The following VIPR1 variants were observed in gnomAD, a reference collection of about 807,000 sequenced individuals.
VIPR1 encodes the protein vasoactive intestinal polypeptide receptor 1.
VIPR1 carries 59 observed loss-of-function variants against 58.8 expected under a neutral mutation model. The ratio of observed to expected loss-of-function variants is 1.00; its 90% CI spans 0.81 to 1.25. The LOEUF is 1.25. Among genes scored for constraint, VIPR1 ranks in the 50% most tolerant of loss-of-function variants. VIPR1 has a pLI of 0.00. For synonymous variants in VIPR1, 251 were observed against 242.1 expected (o/e 1.04, Z -0.34); for missense variants, 626 against 602.7 (o/e 1.04, Z -0.40).
intron 10 of VIPR1, chr3:42,532,621 G>A (rs983135587): frequency 6.4e-5 from 34 of 530,208 alleles, no homozygotes; most frequent in African/African-American, 3.2e-4. Context: ...AGAGGACACC[G>A]ATGACCTGTG....
intron 9 of VIPR1, 127 bp downstream of exon 9, chr3:42,531,996 A>G (rs1395342703): frequency 9.0e-7 from 1 of 1,107,288 alleles, no homozygotes; most frequent in Non-Finnish European, 1.3e-6. Flanking sequence ...TGCCCAATGC[A>G]GGATCATCCC....
intron 1 of VIPR1, among the ~76,000 whole-genome samples, chr3:42,511,198 T>C (rs1700345908): frequency 1.3e-5 from 2 of 152,200 alleles, no homozygotes; most frequent in Non-Finnish European, 2.9e-5. Context: ...TTTCTCCATC[T>C]CTCTATTCTG....
Position 42,535,011 on chromosome 3 carries a change from G to A in VIPR1, c.1047G>A (p.Leu349=). ...LARSTLLLIP[L]FGVHYIMFAF... ...GGTCCACACTCCTGCTGATCCCCCT[G>A]TTTGGAGTACACTACATCATGTTCG... Residue 349 remains leucine (L), a synonymous_variant, in exon 11 of 13, where the codon CTG becomes CTA. Coordinates refer to ENST00000325123, the MANE Select transcript of VIPR1 (RefSeq NM_004624.4). 6.2e-7 allele frequency: 1 copy of A among 1,614,202 alleles called. No homozygotes were observed. The highest frequency in any genetic ancestry group is 8.5e-7 in the Non-Finnish European group (1 of 1,180,016).
At chr3:42,496,556 C>T (rs1350682338) in intron 1 of VIPR1, among the ~76,000 whole-genome samples, 1 of 152,220 alleles carries the variant, frequency 6.6e-6, no homozygotes, top group East Asian at 1.9e-4. Flanking sequence ...AACTCTTCCA[C>T]TAGGACTGTA....
At chr3:42,523,443 C>T (rs564963379) in intron 3 of VIPR1, among the ~76,000 whole-genome samples, 1 of 152,280 alleles carries the variant, frequency 6.6e-6, no homozygotes, top group South Asian at 2.1e-4. Flanking sequence ...TGGAGTCAGG[C>T]AGACCTTGGT....
chr3:42,500,597 C>G (rs1181079646), upstream of VIPR1, among the ~76,000 whole-genome samples: 1 of 152,150 alleles, frequency 6.6e-6, no homozygotes, highest in African/African-American at 2.4e-5. Context: ...ACATCTAGGG[C>G]TCCTAGGACA....
At chr3:42,497,610 T>G (rs1699789273) in intron 1 of VIPR1, among the ~76,000 whole-genome samples, 1 of 152,112 alleles carries the variant, frequency 6.6e-6, no homozygotes, top group Non-Finnish European at 1.5e-5. Context: ...GCCACCCAAA[T>G]GTCATCTTGA....
intron 1 of VIPR1, among the ~76,000 whole-genome samples, chr3:42,490,110 C>T (rs1699639977): frequency 6.6e-6 from 1 of 152,124 alleles, no homozygotes; most frequent in African/African-American, 2.4e-5. Context: ...CCTGGGAGCT[C>T]CCAGGGCAGG....
At chr3:42,501,295 A>T (rs570339252), upstream of VIPR1, among the ~76,000 whole-genome samples, 495 of 151,626 alleles carry the variant, frequency 3.3e-3, 5 homozygotes, top group African/African-American at 0.012. This position sits in a 1 kb window ranked among gnomAD's most constrained non-coding sequence, Gnocchi z 4.8. Context: ...CTCTGTAGGG[A>T]GGGAAGCCCT....
intron 5 of VIPR1, 195 bp downstream of exon 5, chr3:42,527,691 G>A: frequency 1.5e-6 from 1 of 648,522 alleles, no homozygotes; most frequent in Admixed American, 2.7e-5. Flanking sequence ...TTGCAGCCTA[G>A]TCTCCCCTAG....
In VIPR1 at chr3:42,535,366, C is replaced by T; in HGVS notation, c.1164C>T (p.Tyr388=). Residue 388 remains tyrosine, a synonymous_variant, in exon 12 of 13, where the codon TAC becomes TAT. Transcript: ENST00000325123. The stretch of plus-strand genomic sequence containing the variant: ...AGGGTTTTGTGGTGGCTATCCTCTA[C>T]TGCTTCCTCAATGGTGAGGTAAGCC... ...SFQGFVVAIL[Y]CFLNGEVQAE... 6.2e-7 allele frequency: 1 copy of T among 1,614,162 alleles called. No individual in the cohort carries two copies. Among genetic ancestry groups the T allele is most frequent in the Non-Finnish European group, 8.5e-7 (1 of 1,180,018 alleles).
At chr3:42,495,074 A>T (rs1003507821) in intron 1 of VIPR1, among the ~76,000 whole-genome samples, 1 of 151,562 alleles carries the variant, frequency 6.6e-6, no homozygotes. Flanking sequence ...TCCGTCACCC[A>T]GTTTTATTAG....
Position 42,536,070 on chromosome 3 carries a change from A to G in VIPR1, c.1183-20A>G, listed in dbSNP as rs1471147834. 10 of 1,577,816 alleles carry G rather than the reference A, an allele frequency of 6.3e-6. No individual in the cohort carries two copies. The highest frequency in any genetic ancestry group is 8.6e-6 in the Non-Finnish European group (10 of 1,162,024). Reference sequence around the variant, plus strand: ...AAGAGGCTCCACAGCAGTGGGCCTGACCACCTTCCCCTCTCCTAGGTGCAG... The same window carrying G: ...AAGAGGCTCCACAGCAGTGGGCCTGGCCACCTTCCCCTCTCCTAGGTGCAG... On this transcript the variant is annotated intron_variant, in intron 12 of 12. Transcript: ENST00000325123.
In VIPR1 at chr3:42,502,658, C is replaced by T. The variant is rs1012006346; in HGVS notation, c.-78C>T. 8.0e-6 allele frequency: 9 copies of T among 1,123,986 alleles called. No homozygotes were observed. The African/African-American group carries it at 1.1e-4, about 14-fold the overall frequency. 69.6% of individuals were successfully genotyped at this position (1,123,986 alleles called of 1,614,324 possible). ...CGCCAGCGCCACTCTGCCAGGCTCC[C>T]GGCCATCGCCCGCCTGGTGCGCCGC... On this transcript the variant is annotated 5_prime_UTR_variant, in exon 1 of 13. Transcript: ENST00000325123.
chr3:42,524,740 C>T lies in VIPR1; in HGVS notation c.293-1147C>T, dbSNP rs531512380. ...CTCCTGCAGCTCTTTATCTGGTCAC[C>T]GAAATAAGTCCTCAGGTCACCTCCA... is the stretch of plus-strand genomic sequence containing the variant. On this transcript the variant is annotated intron_variant, in intron 3 of 12. Transcript: ENST00000325123. Among the ~76,000 whole-genome samples the T allele has an allele frequency of 2.5e-4, 38 of 152,180 alleles. 1 individual carries two copies. Among genetic ancestry groups the T allele is most frequent in the Admixed American group, 2.0e-3 (31 of 15,282 alleles).
chr3:42,502,661 C>T lies in VIPR1; in HGVS notation c.-75C>T. ...CAGCGCCACTCTGCCAGGCTCCCGG[C>T]CATCGCCCGCCTGGTGCGCCGCCCG... On this transcript the variant is annotated 5_prime_UTR_variant, in exon 1 of 13. Transcript: ENST00000325123. 1 of 1,133,114 alleles carries T rather than the reference C, an allele frequency of 8.8e-7. No homozygotes were observed. Among genetic ancestry groups the T allele is most frequent in the South Asian group, 3.4e-5 (1 of 29,802 alleles). The allele number at this position is 1,133,114 out of a possible 1,614,324, so 70.2% of individuals were successfully genotyped here.
At chr3:42,492,759 G>A (rs1245537817) in intron 1 of VIPR1, among the ~76,000 whole-genome samples, 1 of 152,326 alleles carries the variant, frequency 6.6e-6, no homozygotes, top group East Asian at 1.9e-4. Flanking sequence ...CCTCCAAACT[G>A]TCTCCCTTGA....
upstream of VIPR1, chr3:42,502,591 G>A (rs1349890933): frequency 3.4e-6 from 2 of 580,720 alleles, no homozygotes; most frequent in Non-Finnish European, 5.0e-6. Context: ...CCCGGGGCCC[G>A]CCCCCAGCCC....
At chr3:42,521,744 AT>A (rs1270593698) in intron 3 of VIPR1, among the ~76,000 whole-genome samples, 3 of 152,040 alleles carry the variant, frequency 2.0e-5, no homozygotes, top group Non-Finnish European at 4.4e-5. Context: ...TCACTTCTTT[AT>A]TTTTATTTTA....
Sources: allele counts gnomAD v4.1 joint callset (sites outside exome capture counted in the v4.1 genomes callset), GRCh38; gene constraint gnomAD v4.1.1; non-coding constraint Gnocchi (gnomAD v3.1); transcripts MANE v1.5; gene names NCBI Gene and HGNC (gene_info 2026-07-23, HGNC 2026-07-21).